Variants in CCDC3 observed in about 807,000 individuals in gnomAD.
CCDC3 encodes coiled-coil domain containing 3.
CCDC3 carries 24 observed loss-of-function variants against 21.4 expected under a neutral mutation model. That is an observed-to-expected ratio of 1.12 (90% CI 0.81 to 1.58). The LOEUF is 1.58. Ranked by LOEUF, CCDC3 falls within the 40% of genes most tolerant of loss-of-function variation. The pLI is 0.00. For missense variants in CCDC3, 425 were observed against 360.9 expected, an observed-to-expected ratio of 1.18 and a Z score of -1.44; for synonymous variants, 186 against 166.0, an observed-to-expected ratio of 1.12 and a Z score of -0.93.
intron 2 of CCDC3, among the ~76,000 whole-genome samples, chr10:12,993,619 G>A (rs190627837): frequency 1.3e-5 from 2 of 152,268 alleles, no homozygotes; most frequent in Non-Finnish European, 2.9e-5. Context: ...AGAGAAATGA[G>A]GAAGGAAAAA....
At chr10:13,074,154 T>TATATATATATATATATATATTTA (rs1491463766) in intron 3 of CCDC3, 2 of 39,938 alleles carry the variant, frequency 5.0e-5, no homozygotes, top group Admixed American at 2.4e-4. Context: ...TATATATATA[T>TATATATATATATATATATATTTA]TTTTTTTTTT....
chr10:12,979,767 G>A (rs566180085), intron 2 of CCDC3, among the ~76,000 whole-genome samples: 2 of 152,158 alleles, frequency 1.3e-5, no homozygotes, highest in South Asian at 2.1e-4. Flanking sequence ...TAAATAAACC[G>A]CTACTGACTG....
intron 5 of CCDC3, among the ~76,000 whole-genome samples, chr10:13,014,889 G>C (rs1464006627): frequency 3.3e-5 from 5 of 152,086 alleles, no homozygotes; most frequent in Non-Finnish European, 5.9e-5. Context: ...TGTGGTAATT[G>C]TGCAAGAATC....
intron 2 of CCDC3, among the ~76,000 whole-genome samples, chr10:12,983,668 C>CAAAAAAAAAAAAAAAAGAGAA (rs34200519): frequency 7.4e-6 from 1 of 134,924 alleles, no homozygotes. Flanking sequence ...AAAGAAGTGG[C>CAAAAAAAAAAAAAAAAGAGAA]AAAAAAAAAA....
chr10:13,016,856 G>A (rs760303789), intron 5 of CCDC3, among the ~76,000 whole-genome samples: 1 of 152,042 alleles, frequency 6.6e-6, no homozygotes, highest in African/African-American at 2.4e-5. Context: ...GCACATGTAA[G>A]CACTGTCTAT....
chr10:13,004,721 C>T (rs1481286886), upstream of CCDC3, among the ~76,000 whole-genome samples: 1 of 151,966 alleles, frequency 6.6e-6, no homozygotes, highest in East Asian at 1.9e-4. Flanking sequence ...TTAGCTAGGC[C>T]AGCCGTGGTA....
intron 5 of CCDC3, among the ~76,000 whole-genome samples, chr10:13,033,560 C>A (rs1589046119): frequency 6.6e-6 from 1 of 152,150 alleles, no homozygotes; most frequent in African/African-American, 2.4e-5. Context: ...AGGCAACCTA[C>A]AGAATGGGAG....
intron 2 of CCDC3, among the ~76,000 whole-genome samples, chr10:12,907,966 G>A (rs1834200940): frequency 6.6e-6 from 1 of 152,246 alleles, no homozygotes; most frequent in Admixed American, 6.5e-5. Context: ...GAGCGCAGTA[G>A]CAGCTGGATG....
Position 12,903,813 on chromosome 10 carries a change from A to G in CCDC3, c.550-5134T>C, listed in dbSNP as rs186541639. 2.5e-3 allele frequency among the ~76,000 whole-genome samples: 379 copies of G among 152,162 alleles called. 2 individuals carry two copies. Among genetic ancestry groups the G allele is most frequent in the African/African-American group, 8.4e-3 (351 of 41,544 alleles). On this transcript the variant is annotated intron_variant, in intron 2 of 2. Transcript: ENST00000378825. ...ATCCATACTTCCTTATCTGTCTAAA[A>G]TAACACTTTTTAAAACCATCAAAGC...
intron 2 of CCDC3, among the ~76,000 whole-genome samples, chr10:12,919,593 A>AAC (rs1424119883): frequency 6.6e-6 from 1 of 151,618 alleles, no homozygotes; most frequent in East Asian, 1.9e-4. Flanking sequence ...GTCTAAAAAA[A>AAC]AAAAAAAAAA....
At chr10:12,939,540 G>A (rs1834787322) in intron 2 of CCDC3, among the ~76,000 whole-genome samples, 1 of 152,142 alleles carries the variant, frequency 6.6e-6, no homozygotes, top group African/African-American at 2.4e-5. Context: ...GGATGATCGT[G>A]GCACTGCACT....
chr10:12,969,031 A>G (rs1369536060), intron 2 of CCDC3, among the ~76,000 whole-genome samples: 1 of 152,162 alleles, frequency 6.6e-6, no homozygotes, highest in African/African-American at 2.4e-5. Flanking sequence ...AAACAGATTA[A>G]AATCTCCTAT....
intron 2 of CCDC3, among the ~76,000 whole-genome samples, chr10:12,928,941 G>T (rs1235344249): frequency 1.3e-5 from 2 of 152,100 alleles, no homozygotes; most frequent in Non-Finnish European, 2.9e-5. Flanking sequence ...TGGAGGTAAG[G>T]GTCTGGGCAA....
chr10:12,994,402 ACAAAAC>A (rs1835727170), intron 2 of CCDC3, among the ~76,000 whole-genome samples: 65 of 134,094 alleles, frequency 4.8e-4, no homozygotes, highest in African/African-American at 1.6e-3. Flanking sequence ...CGTCTCAAAA[ACAAAAC>A]AAAACAAAAA....
intron 2 of CCDC3, among the ~76,000 whole-genome samples, chr10:12,938,357 C>T (rs1235808882): frequency 1.3e-5 from 2 of 152,156 alleles, no homozygotes; most frequent in Non-Finnish European, 2.9e-5. Context: ...CATCAGTAAC[C>T]ACATGGATAA....
intron 2 of CCDC3, among the ~76,000 whole-genome samples, chr10:12,965,258 T>C (rs1835244238): frequency 6.6e-6 from 1 of 152,210 alleles, no homozygotes; most frequent in Non-Finnish European, 1.5e-5. Flanking sequence ...CTTTTTTTCC[T>C]ATGATGTCCC....
rs1836682468 is a variant in CCDC3 at position 13,056,444 on chromosome 10, G to A, written c.-269-6503C>T. ...GAAGCAAGTTCGTGATGGACTAGCA[G>A]TCTAAGCCCACTCGTCCGGAACCAC... On this transcript the variant is annotated intron_variant, in intron 4 of 6. Transcript: ENST00000378839. Among the ~76,000 whole-genome samples, 3 of 152,198 alleles carry A rather than the reference G, an allele frequency of 2.0e-5. 1 individual carries two copies. Among genetic ancestry groups the A allele is most frequent in the Admixed American group, 2.0e-4 (3 of 15,280 alleles).
Position 13,089,620 on chromosome 10 carries a change from A to G in CCDC3, c.-503+8905T>C, listed in dbSNP as rs546125812. 2.6e-4 allele frequency among the ~76,000 whole-genome samples: 39 copies of G among 151,914 alleles called. 1 individual carries two copies. The highest frequency in any genetic ancestry group is 1.5e-3 in the South Asian group (7 of 4,806). On this transcript the variant is annotated intron_variant, in intron 3 of 6. Coordinates refer to the CCDC3 transcript ENST00000378839. ...CCTCTCCAACTTTTTATTTTCTTTCAGCACCCCCCCTTAAATTGGAGGAAT... is the reference window on the plus strand; with the variant it reads ...CCTCTCCAACTTTTTATTTTCTTTCGGCACCCCCCCTTAAATTGGAGGAAT...
chr10:12,997,242 G>GAA (rs35942622), intron 2 of CCDC3, among the ~76,000 whole-genome samples: 3 of 144,502 alleles, frequency 2.1e-5, no homozygotes, highest in Non-Finnish European at 3.0e-5. Context: ...TTCGTTAATG[G>GAA]AAAAAAAAAA....
Sources: allele counts gnomAD v4.1 joint callset (sites outside exome capture counted in the v4.1 genomes callset), GRCh38; gene constraint gnomAD v4.1.1; transcripts MANE v1.5; gene names NCBI Gene and HGNC (gene_info 2026-07-23, HGNC 2026-07-21).